The following NEDD4L variants were observed in gnomAD, a reference collection of about 807,000 sequenced individuals.
NEDD4L encodes the protein E3 ubiquitin-protein ligase NEDD4-like.
Under a neutral mutation model 148.9 loss-of-function variants are expected in NEDD4L, and 54 were observed. That is an observed-to-expected ratio of 0.36 (90% CI 0.29 to 0.45). NEDD4L has a LOEUF of 0.45. Among genes scored for constraint, NEDD4L ranks in the 20% least tolerant of loss-of-function variants. The probability of loss-of-function intolerance (pLI) is 1.00; values close to 1 mark genes in which losing one functional copy is unlikely to be tolerated. For synonymous variants in NEDD4L, 433 were observed against 440.7 expected, an observed-to-expected ratio of 0.98 and a Z score of 0.22; for missense variants, 856 against 1,233.8, an observed-to-expected ratio of 0.69 and a Z score of 4.59.
rs1422625617 is a variant in NEDD4L, at chr18:58,366,688, A to C, written c.2063+460A>C. 1 of 153,136 alleles carries C rather than the reference A, an allele frequency of 6.5e-6. No homozygotes were observed. Among genetic ancestry groups the C allele is most frequent in the Non-Finnish European group, 1.5e-5 (1 of 68,704 alleles). 9.5% of individuals were successfully genotyped at this position (153,136 alleles called of 1,614,324 possible). A position where few individuals can be genotyped will look rare whatever the true frequency, so the allele number is the denominator to read the frequency against. ...AGGAAAGAACCAGGTTTCCCCTTGCATTAGGATTTCATCATTGCCAGGCTT... is the reference window on the plus strand; with the variant it reads ...AGGAAAGAACCAGGTTTCCCCTTGCCTTAGGATTTCATCATTGCCAGGCTT... On this transcript the variant is annotated intron_variant, in intron 21 of 30. Coordinates refer to ENST00000400345, the MANE Select transcript of NEDD4L (RefSeq NM_001144967.3). This position sits in a 1 kb window ranked among gnomAD's most constrained non-coding sequence, Gnocchi z 4.2.
intron 1 of NEDD4L, among the ~76,000 whole-genome samples, chr18:58,123,781 G>T (rs906917013): frequency 1.3e-5 from 2 of 152,062 alleles, no homozygotes; most frequent in Admixed American, 6.6e-5. Flanking sequence ...CGTTCAGTCA[G>T]TGAGACCCCC....
At chr18:58,391,199 C>T (rs541810045) in intron 29 of NEDD4L, among the ~76,000 whole-genome samples, 2 of 152,260 alleles carry the variant, frequency 1.3e-5, no homozygotes, top group African/African-American at 4.8e-5. Context: ...GTTTAAATTT[C>T]CAGGGCCCAG....
At chr18:58,275,589 G>C (rs1461466416) in intron 5 of NEDD4L, among the ~76,000 whole-genome samples, 1 of 152,216 alleles carries the variant, frequency 6.6e-6, no homozygotes, top group Non-Finnish European at 1.5e-5. Context: ...CAGAGAGTCT[G>C]ATACGAGGCC....
At chr18:58,078,473 G>T (rs1054026126) in intron 1 of NEDD4L, among the ~76,000 whole-genome samples, 18 of 152,158 alleles carry the variant, frequency 1.2e-4, no homozygotes, top group Admixed American at 9.2e-4. Context: ...GGTGAGGGGG[G>T]ACCGCTGAGG....
At chr18:58,267,854 C>T (rs1044214747) in intron 5 of NEDD4L, among the ~76,000 whole-genome samples, 3 of 152,014 alleles carry the variant, frequency 2.0e-5, no homozygotes, top group Non-Finnish European at 4.4e-5. Context: ...TGATACATAG[C>T]TTTTAAAATA....
At chr18:58,069,136 CAAAAAAA>C (rs1161273608) in intron 1 of NEDD4L, among the ~76,000 whole-genome samples, 71 of 73,274 alleles carry the variant, frequency 9.7e-4, no homozygotes, top group African/African-American at 2.4e-3. Context: ...AATCTGTCTC[CAAAAAAA>C]AAAAAAAAAA....
chr18:58,251,336 G>A (rs2047909431), intron 4 of NEDD4L, among the ~76,000 whole-genome samples: 1 of 152,086 alleles, frequency 6.6e-6, no homozygotes. Context: ...AACCAGCCTG[G>A]GGAACATGGT....
intron 1 of NEDD4L, among the ~76,000 whole-genome samples, chr18:58,138,311 C>G (rs1437472598): frequency 6.6e-6 from 1 of 151,722 alleles, no homozygotes; most frequent in Non-Finnish European, 1.5e-5. Context: ...TGCTGGGTGA[C>G]TTCCTTCTTT....
intron 5 of NEDD4L, among the ~76,000 whole-genome samples, chr18:58,306,378 A>G (rs773461036): frequency 6.6e-6 from 1 of 152,110 alleles, no homozygotes; most frequent in Non-Finnish European, 1.5e-5. Flanking sequence ...TTTCATTTTT[A>G]TATTAAAATA....
chr18:58,195,938 A>C (rs545071239), intron 2 of NEDD4L, among the ~76,000 whole-genome samples: 2 of 152,312 alleles, frequency 1.3e-5, no homozygotes, highest in South Asian at 4.1e-4. Flanking sequence ...CAGTGAAAAC[A>C]TTTTAATTAT....
intron 2 of NEDD4L, among the ~76,000 whole-genome samples, chr18:58,228,427 C>T (rs566118896): frequency 1.3e-5 from 2 of 152,172 alleles, no homozygotes; most frequent in Non-Finnish European, 2.9e-5. Context: ...GTCATAGTCA[C>T]TCCACTTGGT....
chr18:58,172,554 G>T (rs1030010405), intron 2 of NEDD4L, among the ~76,000 whole-genome samples: 12 of 152,174 alleles, frequency 7.9e-5, no homozygotes, highest in African/African-American at 2.9e-4. Context: ...TGTTCTTTTT[G>T]CAGATAAAGA....
At chr18:58,100,584 T>C (rs1390286657) in intron 1 of NEDD4L, among the ~76,000 whole-genome samples, 1 of 152,200 alleles carries the variant, frequency 6.6e-6, no homozygotes, top group African/African-American at 2.4e-5. Flanking sequence ...ACAGCTTGGC[T>C]AAAGCATTCC....
intron 2 of NEDD4L, among the ~76,000 whole-genome samples, chr18:58,208,042 C>T (rs1359068867): frequency 4.1e-5 from 6 of 146,730 alleles, no homozygotes; most frequent in Non-Finnish European, 9.3e-5. Context: ...GACTCTGTCT[C>T]AACAACAACA....
At chr18:58,090,562 T>G (rs1359912625) in intron 1 of NEDD4L, among the ~76,000 whole-genome samples, 1 of 152,228 alleles carries the variant, frequency 6.6e-6, no homozygotes, top group Non-Finnish European at 1.5e-5. Context: ...CACTGCAACC[T>G]TCACCTCCTG....
chr18:58,067,611 G>A (rs1484146874), intron 1 of NEDD4L, among the ~76,000 whole-genome samples: 6 of 152,210 alleles, frequency 3.9e-5, no homozygotes, highest in African/African-American at 1.4e-4. Context: ...ATGGAAGTGT[G>A]AGCTAGGAAG....
intron 2 of NEDD4L, among the ~76,000 whole-genome samples, chr18:58,176,516 A>G (rs1021130860): frequency 6.6e-6 from 1 of 152,120 alleles, no homozygotes; most frequent in African/African-American, 2.4e-5. Context: ...AAAAATTTTT[A>G]TAGAGGTGTT....
At chr18:58,181,977 G>A (rs1299529680) in intron 2 of NEDD4L, among the ~76,000 whole-genome samples, 3 of 151,832 alleles carry the variant, frequency 2.0e-5, no homozygotes, top group Non-Finnish European at 1.5e-5. Flanking sequence ...AGCTAACTTT[G>A]TAGATGACAT....
chr18:58,044,535 C>G lies in NEDD4L; in HGVS notation c.-126C>G, dbSNP rs1418558110. ...CACCTGCCGGCGCCCGGCCGCTTAC[C>G]CGGCAGGGCGTGCGCAGGGTAGGGT... On this transcript the variant is annotated 5_prime_UTR_variant, in exon 1 of 31. Coordinates refer to ENST00000400345, the MANE Select transcript of NEDD4L (RefSeq NM_001144967.3). The G allele has an allele frequency of 2.4e-6, 3 of 1,241,080 alleles. No homozygotes were observed. Among genetic ancestry groups the G allele is most frequent in the Non-Finnish European group, 3.1e-6 (3 of 979,766 alleles). The allele number at this position is 1,241,080 out of a possible 1,614,324, so 76.9% of individuals were successfully genotyped here. A position where few individuals can be genotyped will look rare whatever the true frequency, so the allele number is the denominator to read the frequency against.
Sources: allele counts gnomAD v4.1 joint callset (sites outside exome capture counted in the v4.1 genomes callset), GRCh38; gene constraint gnomAD v4.1.1; non-coding constraint Gnocchi (gnomAD v3.1); transcripts MANE v1.5; gene names NCBI Gene and HGNC (gene_info 2026-07-23, HGNC 2026-07-21).